DLG2: variants seen among roughly 807,000 people sequenced by gnomAD.
DLG2 encodes discs large MAGUK scaffold protein 2, also known as disks large homolog 2.
Under a neutral mutation model 132.5 loss-of-function variants are expected in DLG2, and 45 were observed. That is an observed-to-expected ratio of 0.34 (90% CI 0.27 to 0.44). DLG2 has a LOEUF of 0.44. Ranked by LOEUF, DLG2 falls within the 20% of genes least tolerant of loss-of-function variation. The probability of loss-of-function intolerance (pLI) is 1.00; values close to 1 mark genes in which losing one functional copy is unlikely to be tolerated. For synonymous variants in DLG2, 424 were observed against 419.6 expected, an observed-to-expected ratio of 1.01 and a Z score of -0.13; for missense variants, 1,045 against 1,196.9, an observed-to-expected ratio of 0.87 and a Z score of 1.87.
chr11:84,391,183 T>C (rs752106761), intron 7 of DLG2, among the ~76,000 whole-genome samples: 1 of 152,178 alleles, frequency 6.6e-6, no homozygotes, highest in Non-Finnish European at 1.5e-5. Flanking sequence ...CTTAATAAGT[T>C]ATGCTACATT....
At chr11:85,282,605 G>A (rs1052765356) in intron 4 of DLG2, among the ~76,000 whole-genome samples, 2 of 151,956 alleles carry the variant, frequency 1.3e-5, no homozygotes, top group Non-Finnish European at 2.9e-5. Context: ...TAAGCGGAAA[G>A]TGAGTGAAAG....
intron 7 of DLG2, among the ~76,000 whole-genome samples, chr11:84,458,667 A>G (rs1361076298): frequency 2.0e-5 from 3 of 150,700 alleles, no homozygotes; most frequent in African/African-American, 7.3e-5. Flanking sequence ...TATTTTAAAC[A>G]TAGTATTTTG....
At chr11:84,116,210 C>T (rs965464445) in intron 9 of DLG2, among the ~76,000 whole-genome samples, 8 of 152,142 alleles carry the variant, frequency 5.3e-5, no homozygotes, top group Non-Finnish European at 1.2e-4. Flanking sequence ...CTCTTAAATT[C>T]CTCATTTTAA....
rs147170646 is a variant in DLG2 at position 85,038,920 on chromosome 11, G to C, written c.357+72741C>G. On this transcript the variant is annotated intron_variant, in intron 6 of 27. Transcript: ENST00000376104. ...ATTTTTAAAATACCTTTTTTTCTCA[G>C]TATACCTGGAACTCCTGGAGATTAT... Among the ~76,000 whole-genome samples the C allele has an allele frequency of 5.0e-3, 762 of 151,830 alleles. 20 individuals carry two copies. The highest frequency in any genetic ancestry group is 0.015 in the East Asian group (79 of 5,176).
At chr11:83,716,148 C>T (rs2086648144) in intron 18 of DLG2, among the ~76,000 whole-genome samples, 1 of 152,142 alleles carries the variant, frequency 6.6e-6, no homozygotes. Context: ...CCATGAGAGT[C>T]CTAACTCCAA....
At chr11:84,611,545 T>G (rs897523346) in intron 6 of DLG2, among the ~76,000 whole-genome samples, 19 of 152,140 alleles carry the variant, frequency 1.2e-4, no homozygotes, top group Non-Finnish European at 2.6e-4. Flanking sequence ...ACTTTACCAC[T>G]CTAATTGTCA....
At chr11:84,992,355 C>A (rs1039519498) in intron 6 of DLG2, among the ~76,000 whole-genome samples, 1 of 152,108 alleles carries the variant, frequency 6.6e-6, no homozygotes, top group Non-Finnish European at 1.5e-5. Flanking sequence ...CAAATATGTT[C>A]CCAGATCCTA....
intron 4 of DLG2, among the ~76,000 whole-genome samples, chr11:85,254,141 C>A (rs1761268627): frequency 6.6e-6 from 1 of 152,226 alleles, no homozygotes; most frequent in African/African-American, 2.4e-5. Context: ...GACCTGCCCA[C>A]TTCTGCCAAC....
chr11:84,216,526 C>G (rs1029809230), intron 8 of DLG2, among the ~76,000 whole-genome samples: 1 of 152,076 alleles, frequency 6.6e-6, no homozygotes, highest in Non-Finnish European at 1.5e-5. Context: ...TGGACACATA[C>G]TTTCAATGGA....
intron 11 of DLG2, among the ~76,000 whole-genome samples, chr11:83,991,321 T>C (rs1289869099): frequency 2.0e-5 from 3 of 152,174 alleles, no homozygotes; most frequent in Non-Finnish European, 4.4e-5. Context: ...TAACTTACTA[T>C]AGCCACAGCC....
intron 7 of DLG2, among the ~76,000 whole-genome samples, chr11:84,355,951 A>G (rs932062347): frequency 6.6e-6 from 1 of 152,112 alleles, no homozygotes; most frequent in Admixed American, 6.5e-5. Flanking sequence ...TTGAATTATC[A>G]CTAAGTGAAA....
intron 18 of DLG2, among the ~76,000 whole-genome samples, chr11:83,708,540 T>C (rs1236294872): frequency 1.3e-5 from 2 of 152,210 alleles, no homozygotes; most frequent in African/African-American, 2.4e-5. Context: ...GACAATATGA[T>C]AACAAATGTC....
At chr11:84,582,701 C>T (rs2099519584) in intron 6 of DLG2, among the ~76,000 whole-genome samples, 1 of 151,966 alleles carries the variant, frequency 6.6e-6, no homozygotes, top group Non-Finnish European at 1.5e-5. Context: ...CAATGAATCA[C>T]AGCAGCAAAA....
intron 4 of DLG2, among the ~76,000 whole-genome samples, chr11:85,195,575 G>A (rs369749029): frequency 6.7e-6 from 1 of 150,236 alleles, no homozygotes; most frequent in Non-Finnish European, 1.5e-5. Context: ...CCAGGCGGGA[G>A]TGCAGTGGCG....
At chr11:84,758,201 C>T (rs973168216) in intron 6 of DLG2, among the ~76,000 whole-genome samples, 3 of 152,134 alleles carry the variant, frequency 2.0e-5, no homozygotes, top group Non-Finnish European at 2.9e-5. Context: ...TGTACCTGTA[C>T]TGTTTTGGGC....
At chr11:84,858,574 A>G (rs1408678055) in intron 6 of DLG2, among the ~76,000 whole-genome samples, 1 of 152,068 alleles carries the variant, frequency 6.6e-6, no homozygotes, top group African/African-American at 2.4e-5. Context: ...GGTAATCTCT[A>G]CTGTCTTTCC....
At chr11:85,379,203 T>C (rs927037144) in intron 3 of DLG2, among the ~76,000 whole-genome samples, 1 of 152,182 alleles carries the variant, frequency 6.6e-6, no homozygotes, top group Admixed American at 6.6e-5. Flanking sequence ...CTTAGACTTT[T>C]ACACATAAAT....
Position 84,465,268 on chromosome 11 carries a change from A to G in DLG2, c.519+69302T>C, listed in dbSNP as rs117764001. ...CCAACCCACCAAGATCACAGAAGCAATTAAAAGTGTTTAACCGGGAAAGTT... is the reference window on the plus strand; with the variant it reads ...CCAACCCACCAAGATCACAGAAGCAGTTAAAAGTGTTTAACCGGGAAAGTT... On this transcript the variant is annotated intron_variant, in intron 7 of 27. Transcript: ENST00000376104. Among the ~76,000 whole-genome samples, 1,450 of 151,340 alleles carry G rather than the reference A, an allele frequency of 9.6e-3. 11 individuals are homozygous for G. Among genetic ancestry groups the G allele is most frequent in the Middle Eastern group, 0.027 (8 of 294 alleles).
chr11:84,796,250 TAAAAATA>T (rs1186578630), intron 6 of DLG2, among the ~76,000 whole-genome samples: 1 of 152,154 alleles, frequency 6.6e-6, no homozygotes, highest in Non-Finnish European at 1.5e-5. Context: ...CAACAAAAAT[TAAAAATA>T]AATTTAAAAA....
Sources: gnomAD v4.1 joint callset for allele counts (sites outside exome capture counted in the v4.1 genomes callset) on GRCh38, gnomAD v4.1.1 for gene constraint, MANE v1.5 for transcripts, NCBI Gene and HGNC (gene_info 2026-07-23, HGNC 2026-07-21) for gene names.